Variants in CSMD1 observed in about 807,000 individuals in gnomAD.
CSMD1 encodes the protein CUB and sushi domain-containing protein 1.
Under a neutral mutation model 417.5 loss-of-function variants are expected in CSMD1, and 213 were observed. The ratio of observed to expected loss-of-function variants is 0.51; its 90% CI spans 0.46 to 0.57. CSMD1 has a LOEUF of 0.57. Among genes scored for constraint, CSMD1 ranks in the 20% least tolerant of loss-of-function variants. The pLI, the probability that CSMD1 is intolerant of heterozygous loss-of-function variation, is 0.00. For synonymous variants in CSMD1, 2,862 were observed against 1,736.8 expected (o/e 1.65, Z -16.11); for missense variants, 6,923 against 4,529.7 (o/e 1.53, Z -15.17).
chr8:4,443,530 A>G (rs892653412), intron 2 of CSMD1, among the ~76,000 whole-genome samples: 2 of 152,214 alleles, frequency 1.3e-5, no homozygotes, highest in African/African-American at 4.8e-5. Flanking sequence ...ACAGTATAGA[A>G]TTTCACGAAT....
At chr8:4,871,318 T>C (rs1451182854) in intron 1 of CSMD1, among the ~76,000 whole-genome samples, 2 of 152,134 alleles carry the variant, frequency 1.3e-5, no homozygotes, top group South Asian at 2.1e-4. Flanking sequence ...CTTTCACGGA[T>C]TTAGATTTTC....
intron 2 of CSMD1, among the ~76,000 whole-genome samples, chr8:4,581,723 G>A (rs550121578): frequency 1.3e-5 from 2 of 152,164 alleles, no homozygotes; most frequent in Admixed American, 1.3e-4. Context: ...AGCTTCCAGA[G>A]AATTCCCAGA....
At chr8:3,768,223 C>G (rs1798391990) in intron 5 of CSMD1, among the ~76,000 whole-genome samples, 2 of 152,100 alleles carry the variant, frequency 1.3e-5, no homozygotes, top group South Asian at 2.1e-4. Context: ...GACAACCATA[C>G]AGTGGCCAAT....
intron 10 of CSMD1, among the ~76,000 whole-genome samples, chr8:3,520,168 G>A (rs1359673507): frequency 2.0e-5 from 3 of 151,794 alleles, no homozygotes; most frequent in South Asian, 4.2e-4. Context: ...CCAGAACCGA[G>A]AAGAAGAGAA....
At chr8:3,210,760 T>C (rs1159147698) in intron 30 of CSMD1, among the ~76,000 whole-genome samples, 2 of 151,320 alleles carry the variant, frequency 1.3e-5, no homozygotes, top group Admixed American at 1.3e-4. Context: ...GTATTTTTCC[T>C]ATGGCTAATA....
chr8:4,810,076 C>T lies in CSMD1; in HGVS notation c.86-172518G>A, dbSNP rs189545205. ...ACAAAAATACCAGTTAAAGTTAGCT[C>T]ATTTGGTAACTATTTCCTTAGCCTT... is the stretch of plus-strand genomic sequence containing the variant. On this transcript the variant is annotated intron_variant, in intron 1 of 69. Transcript: ENST00000635120. Among the ~76,000 whole-genome samples, 354 of 152,320 alleles carry T rather than the reference C, an allele frequency of 2.3e-3. 1 individual carries two copies. The highest frequency in any genetic ancestry group is 8.1e-3 in the African/African-American group (337 of 41,578).
At chr8:4,346,962 C>G (rs1800809168) in intron 3 of CSMD1, among the ~76,000 whole-genome samples, 1 of 152,162 alleles carries the variant, frequency 6.6e-6, no homozygotes, top group Non-Finnish European at 1.5e-5. Context: ...TAACATTCAA[C>G]TCTCTTGTAA....
intron 5 of CSMD1, among the ~76,000 whole-genome samples, chr8:3,859,885 G>A (rs577075125): frequency 6.6e-6 from 1 of 152,278 alleles, no homozygotes; most frequent in East Asian, 1.9e-4. Flanking sequence ...TTCAGATGAT[G>A]TTTAACATAT....
chr8:4,169,142 C>T (rs1173594413), intron 3 of CSMD1, among the ~76,000 whole-genome samples: 1 of 152,054 alleles, frequency 6.6e-6, no homozygotes, highest in Non-Finnish European at 1.5e-5. Context: ...GTGGTGATGC[C>T]CAGCTTAATG....
intron 25 of CSMD1, among the ~76,000 whole-genome samples, chr8:3,303,087 T>C (rs1358869181): frequency 6.6e-6 from 1 of 152,168 alleles, no homozygotes; most frequent in Non-Finnish European, 1.5e-5. Flanking sequence ...TTTCTTTGTA[T>C]TGTCTATGAA....
At chr8:4,228,666 T>G (rs925126800) in intron 3 of CSMD1, among the ~76,000 whole-genome samples, 13 of 151,786 alleles carry the variant, frequency 8.6e-5, no homozygotes, top group Admixed American at 3.3e-4. Flanking sequence ...GACTATCGAT[T>G]GTTTTATTTT....
At chr8:3,826,061 C>A (rs1802037912) in intron 5 of CSMD1, among the ~76,000 whole-genome samples, 1 of 152,166 alleles carries the variant, frequency 6.6e-6, no homozygotes, top group African/African-American at 2.4e-5. Flanking sequence ...CCCACATAGA[C>A]ATCTTTTGTA....
At chr8:3,515,848 G>A (rs1014521975) in intron 10 of CSMD1, among the ~76,000 whole-genome samples, 1 of 152,178 alleles carries the variant, frequency 6.6e-6, no homozygotes, top group Non-Finnish European at 1.5e-5. Flanking sequence ...AAAGAAAACT[G>A]GACTTCAGCG....
chr8:4,650,447 G>C (rs189771056), intron 1 of CSMD1, among the ~76,000 whole-genome samples: 327 of 148,932 alleles, frequency 2.2e-3, no homozygotes, highest in Non-Finnish European at 3.9e-3. Context: ...ACATCCATTT[G>C]TATGGCCTTT....
At chr8:2,944,164 T>G (rs1802066489) in intron 68 of CSMD1, among the ~76,000 whole-genome samples, 1 of 152,222 alleles carries the variant, frequency 6.6e-6, no homozygotes, top group Non-Finnish European at 1.5e-5. Flanking sequence ...GCCAGACACT[T>G]GCTCTCTTGC....
intron 2 of CSMD1, among the ~76,000 whole-genome samples, chr8:4,425,681 A>G (rs1020497245): frequency 4.0e-5 from 4 of 99,276 alleles, no homozygotes; most frequent in Non-Finnish European, 8.2e-5. Flanking sequence ...TGCTTCTTAT[A>G]AGCAACTGGC....
At chr8:3,771,326 AACAG>A (rs1179457663) in intron 5 of CSMD1, among the ~76,000 whole-genome samples, 5 of 152,278 alleles carry the variant, frequency 3.3e-5, no homozygotes, top group African/African-American at 9.6e-5. Flanking sequence ...TCTCAGGGAT[AACAG>A]ACAAAGAAGA....
chr8:3,981,285 C>G (rs970119338), intron 5 of CSMD1, among the ~76,000 whole-genome samples: 13 of 152,108 alleles, frequency 8.5e-5, no homozygotes, highest in East Asian at 5.8e-4. Context: ...TATGTGGGAG[C>G]TAAGCTATGA....
chr8:4,003,926 A>G (rs992210800), intron 4 of CSMD1, among the ~76,000 whole-genome samples: 2 of 138,482 alleles, frequency 1.4e-5, no homozygotes, highest in African/African-American at 5.2e-5. Context: ...AATGTTTTTC[A>G]TTTTTTTAGA....
Sources: allele counts gnomAD v4.1 joint callset (sites outside exome capture counted in the v4.1 genomes callset), GRCh38; gene constraint gnomAD v4.1.1; transcripts MANE v1.5; gene names NCBI Gene and HGNC (gene_info 2026-07-23, HGNC 2026-07-21).